Variants in ZNF584 observed in about 807,000 individuals in gnomAD.
ZNF584 encodes zinc finger protein 584.
Under a neutral mutation model 14.7 loss-of-function variants are expected in ZNF584, and 12 were observed. That is an observed-to-expected ratio of 0.82 (90% CI 0.52 to 1.32). The LOEUF is 1.32. Ranked by LOEUF, ZNF584 falls within the 40% of genes most tolerant of loss-of-function variation. ZNF584 has a pLI of 0.00. For missense variants in ZNF584, 478 were observed against 518.8 expected, an observed-to-expected ratio of 0.92 and a Z score of 0.76; for synonymous variants, 204 against 190.9, an observed-to-expected ratio of 1.07 and a Z score of -0.57.
At chr19:58,403,974 AAAG>A (rs1397884408), upstream of ZNF584, among the ~76,000 whole-genome samples, 9 of 151,840 alleles carry the variant, frequency 5.9e-5, no homozygotes, top group East Asian at 1.2e-3. Flanking sequence ...AAAAAAAAAA[AAAG>A]AAGAAACTAA....
chr19:58,410,518 AATATATAT>A (rs1156543028), intron 2 of ZNF584, among the ~76,000 whole-genome samples: 20 of 77,188 alleles, frequency 2.6e-4, no homozygotes, highest in South Asian at 1.5e-3. Flanking sequence ...CGGTTTGGGA[AATATATAT>A]ATATATATAT....
chr19:58,410,699 ATATATGTATATATG>A (rs1298937309), intron 2 of ZNF584, among the ~76,000 whole-genome samples: 3 of 58,758 alleles, frequency 5.1e-5, no homozygotes, highest in South Asian at 4.2e-4. Context: ...ATATGTATAT[ATATATGTATATATG>A]TGTATATATA....
chr19:58,401,604 G>A (rs1011081192), exon 1 of ZNF584: 5 of 152,214 alleles, frequency 3.3e-5, no homozygotes, highest in Non-Finnish European at 7.3e-5. Context: ...AAAGGCTGCG[G>A]CGCGCAGAGC....
intron 1 of ZNF584, 180 bp downstream of exon 1, chr19:58,409,345 C>G: frequency 1.3e-6 from 1 of 749,642 alleles, no homozygotes; most frequent in Admixed American, 3.8e-5. Flanking sequence ...AGGACTGGGA[C>G]AGGATGGGGT....
chr19:58,417,157 C>A lies in ZNF584; in HGVS notation c.639C>A (p.Ala213=), dbSNP rs118124900. The A allele has an allele frequency of 2.5e-6, 4 of 1,613,474 alleles. No individual in the cohort carries two copies. Among genetic ancestry groups the A allele is most frequent in the Non-Finnish European group, 3.4e-6 (4 of 1,179,684 alleles). Residue 213 remains alanine (A), a synonymous_variant, in exon 4 of 4, where the codon GCC becomes GCA. Coordinates refer to ENST00000306910, the MANE Select transcript of ZNF584 (RefSeq NM_173548.3). ...GAAAAATTCACACTGGAGAAACAGC[C>A]CATGTGTGTAATGAATGTGGGAAGG... ...NPRKIHTGET[A]HVCNECGKAF...
At position 58,412,199 on chromosome 19, in the gene ZNF584, C is replaced by CTTTTTTTTTTTTTTTTTT. The variant is rs35188048; in HGVS notation, c.169+2112_169+2129dup. On this transcript the variant is annotated intron_variant, in intron 2 of 3. Transcript: ENST00000306910. ...GTTTCACCATGTTGGCCAGGGTGGT[C>CTTTTTTTTTTTTTTTTTT]TTTTTTTTTTTTTTTTTTTTTGAGA... Among the ~76,000 whole-genome samples the CTTTTTTTTTTTTTTTTTT allele has an allele frequency of 2.9e-4, 24 of 83,914 alleles. 1 individual carries two copies. The highest frequency in any genetic ancestry group is 1.2e-3 in the African/African-American group (21 of 17,010). The allele number at this position is 83,914 out of a possible 152,430, so 55.1% of individuals were successfully genotyped here. A position where few individuals can be genotyped will look rare whatever the true frequency, so the allele number is the denominator to read the frequency against.
In ZNF584 at chr19:58,417,177, G is replaced by C; in HGVS notation, c.659G>C (p.Gly220Ala). 1 of 1,613,650 alleles carries C rather than the reference G, an allele frequency of 6.2e-7. No homozygotes were observed. ...ACAGCCCATGTGTGTAATGAATGTG[G>C]GAAGGCCTTCAGTTACCCGTCTAAG... ...GETAHVCNECGKAFSYPSKLR... is the reference protein window; with the variant it reads ...GETAHVCNECAKAFSYPSKLR... The change falls in exon 4 of 4, where the codon GGG becomes GCG. Residue 220 changes from glycine (G) to alanine (A), a missense_variant. Gly to Ala is a moderately conservative substitution (Grantham distance 60, BLOSUM62 0). Transcript: ENST00000306910.
At chr19:58,415,716 C>A in intron 3 of ZNF584, 70 bp downstream of exon 3, 2 of 1,609,440 alleles carry the variant, frequency 1.2e-6, no homozygotes, top group Non-Finnish European at 8.5e-7. Flanking sequence ...CCTGCATACA[C>A]CGATACCTTG....
In ZNF584 at chr19:58,410,557, A is replaced by ATATATATATATATG. The variant is rs1340373210; in HGVS notation, c.169+467_169+468insATATATATATATGT. Reference sequence around the variant, plus strand: ...TATATATATATATATATATATATATATGTGTATATATATATGTATATATAT... The same window carrying ATATATATATATATG: ...TATATATATATATATATATATATATATATATATATATATGTGTGTATATATATATGTATATATAT... On this transcript the variant is annotated intron_variant, in intron 2 of 3. Coordinates refer to ENST00000306910, the MANE Select transcript of ZNF584 (RefSeq NM_173548.3). Among the ~76,000 whole-genome samples, 3 of 26,002 alleles carry ATATATATATATATG rather than the reference A, an allele frequency of 1.2e-4. 1 individual carries two copies. The highest frequency in any genetic ancestry group is 6.3e-4 in the African/African-American group (2 of 3,192). 17.1% of individuals were successfully genotyped at this position (26,002 alleles called of 152,430 possible).
rs753942932 is a variant in ZNF584 at position 58,417,331 on chromosome 19, G to C, written c.813G>C (p.Glu271Asp). Residue 271 changes from glutamate (E) to aspartate (D), a missense_variant, in exon 4 of 4, where the codon GAG (glutamate) becomes GAC (aspartate). Physicochemically the swap from Glu to Asp is conservative, Grantham distance 45. Coordinates refer to ENST00000306910, the MANE Select transcript of ZNF584 (RefSeq NM_173548.3). ...QRIHTGERPY[E>D]CSKCGKTFSV... ...TTCACACTGGAGAAAGGCCTTACGAGTGCAGCAAATGTGGTAAAACCTTCA... is the reference window on the plus strand; with the variant it reads ...TTCACACTGGAGAAAGGCCTTACGACTGCAGCAAATGTGGTAAAACCTTCA... 2.5e-6 allele frequency: 4 copies of C among 1,613,992 alleles called. No individual in the cohort carries two copies. Among genetic ancestry groups the C allele is most frequent in the Non-Finnish European group, 3.4e-6 (4 of 1,179,974 alleles).
At position 58,417,880 on chromosome 19, in the gene ZNF584, C is replaced by A; in HGVS notation, c.*96C>A. 1 of 1,433,334 alleles carries A rather than the reference C, an allele frequency of 7.0e-7. No homozygotes were observed. The highest frequency in any genetic ancestry group is 9.4e-7 in the Non-Finnish European group (1 of 1,061,832). The allele number at this position is 1,433,334 out of a possible 1,614,324, so 88.8% of individuals were successfully genotyped here. ...GAAAGAAGCTAAACCTTGCACATCCCAACACCCACCCCAGGGAGAGTTCCC... is the reference window on the plus strand; with the variant it reads ...GAAAGAAGCTAAACCTTGCACATCCAAACACCCACCCCAGGGAGAGTTCCC... On this transcript the variant is annotated 3_prime_UTR_variant, in exon 4 of 4. Transcript: ENST00000306910.
chr19:58,406,101 C>T (rs993861655), upstream of ZNF584: 20 of 161,428 alleles, frequency 1.2e-4, no homozygotes, highest in Non-Finnish European at 2.4e-4. Context: ...CCCGGCACCT[C>T]GGGAGGCCGA....
At position 58,415,939 on chromosome 19, in the gene ZNF584, A is replaced by G; in HGVS notation, c.292+293A>G. On this transcript the variant is annotated intron_variant, in intron 3 of 3. Transcript: ENST00000306910. ...TTGAAATGTGCACATATCCTTAAACAGGTATTTGAACTTCAGCCAATCCTT... is the reference window on the plus strand; with the variant it reads ...TTGAAATGTGCACATATCCTTAAACGGGTATTTGAACTTCAGCCAATCCTT... 1.9e-6 allele frequency: 3 copies of G among 1,595,644 alleles called. 1 individual carries two copies. In the South Asian group the frequency reaches 3.3e-5, roughly 18 times the overall value.
intron 2 of ZNF584, among the ~76,000 whole-genome samples, chr19:58,415,291 G>A (rs1479308419): frequency 1.3e-5 from 2 of 152,192 alleles, no homozygotes; most frequent in African/African-American, 4.8e-5. Flanking sequence ...CTAGGCTCAA[G>A]TGATCCTCTC....
chr19:58,412,310 C>T (rs1257816950), intron 2 of ZNF584, among the ~76,000 whole-genome samples: 8 of 148,798 alleles, frequency 5.4e-5, no homozygotes, highest in Admixed American at 1.3e-4. Context: ...CCCGGGTTCA[C>T]GCCATTCTCC....
rs1413945266 is a variant in ZNF584, at chr19:58,410,703, A to ATG, written c.169+614_169+615dup. Among the ~76,000 whole-genome samples the ATG allele has an allele frequency of 3.6e-3, 196 of 53,884 alleles. 13 individuals are homozygous for ATG. The highest frequency in any genetic ancestry group is 0.029 in the African/African-American group (175 of 6,064). 35.3% of individuals were successfully genotyped at this position (53,884 alleles called of 152,430 possible). ...TATATATGTATATATGTATATATAT[A>ATG]TGTATATATGTGTATATATATATGT... On this transcript the variant is annotated intron_variant, in intron 2 of 3. Transcript: ENST00000306910.
intron 3 of ZNF584, 100 bp from the exon 4 acceptor site, chr19:58,416,711 G>GTTC: frequency 6.9e-7 from 1 of 1,453,412 alleles, no homozygotes. Flanking sequence ...CCTTTCAGCA[G>GTTC]TTCTATGGAG....
At chr19:58,415,009 A>T (rs113444343) in intron 2 of ZNF584, among the ~76,000 whole-genome samples, 1 of 151,032 alleles carries the variant, frequency 6.6e-6, no homozygotes, top group African/African-American at 2.4e-5. Flanking sequence ...TCTCCTGCCT[A>T]AGCCTCCCGA....
intron 2 of ZNF584, among the ~76,000 whole-genome samples, chr19:58,410,689 ATATG>A (rs2052553416): frequency 1.8e-5 from 1 of 56,932 alleles, no homozygotes; most frequent in Non-Finnish European, 3.0e-5. Flanking sequence ...ATATATGTAT[ATATG>A]TATATATATA....
Sources: allele counts gnomAD v4.1 joint callset (sites outside exome capture counted in the v4.1 genomes callset), GRCh38; gene constraint gnomAD v4.1.1; transcripts MANE v1.5; gene names NCBI Gene and HGNC (gene_info 2026-07-23, HGNC 2026-07-21).